ACKR3: variants seen among roughly 807,000 people sequenced by gnomAD.
ACKR3 encodes the protein C-X-C chemokine receptor type 7.
In ACKR3, 6 loss-of-function variants were observed where a neutral mutation model predicts 22.4. That is an observed-to-expected ratio of 0.27 (90% CI 0.15 to 0.53). ACKR3 has a LOEUF of 0.53. ACKR3 is among the 20% of genes least tolerant of loss of function. ACKR3 has a pLI of 0.96. For missense variants in ACKR3, 396 were observed against 475.2 expected (o/e 0.83, Z 1.55); for synonymous variants, 209 against 205.2 (o/e 1.02, Z -0.16).
At chr2:236,543,940 G>GATATATATATAT in the ACKR3 span, among the ~76,000 whole-genome samples, 1 of 80,908 alleles carries the variant, frequency 1.2e-5, no homozygotes, top group Non-Finnish European at 2.8e-5. Context: ...CTGGGAGAAG[G>GATATATATATAT]GTATATATAT....
At chr2:236,562,810 C>T (rs115955422), upstream of ACKR3, among the ~76,000 whole-genome samples, 4,265 of 152,168 alleles carry the variant, frequency 0.028, 195 homozygotes, top group African/African-American at 0.097. Flanking sequence ...CATTATGAGG[C>T]GGGTGTGGGA....
the ACKR3 span, among the ~76,000 whole-genome samples, chr2:236,554,337 T>C: frequency 6.6e-6 from 1 of 152,238 alleles, no homozygotes; most frequent in Non-Finnish European, 1.5e-5. Context: ...AAGGCAGATG[T>C]ATCAGAGAAG....
the ACKR3 span, among the ~76,000 whole-genome samples, chr2:236,539,306 CTTT>C: frequency 1.2e-3 from 147 of 120,742 alleles, 1 homozygote; most frequent in African/African-American, 4.3e-3. Context: ...TTTTTCTTTT[CTTT>C]TTTTTTTTTT....
At chr2:236,548,365 C>T in the ACKR3 span, among the ~76,000 whole-genome samples, 2 of 152,166 alleles carry the variant, frequency 1.3e-5, no homozygotes, top group Admixed American at 6.5e-5. The surrounding 1 kb of genome is among the most constrained non-coding windows in gnomAD (Gnocchi z 4.3). Flanking sequence ...AAACTGAATT[C>T]TTAGCCAAGA....
the ACKR3 span, among the ~76,000 whole-genome samples, chr2:236,557,499 G>A: frequency 6.6e-6 from 1 of 152,164 alleles, no homozygotes; most frequent in Non-Finnish European, 1.5e-5. Context: ...TTCAAAGAAT[G>A]ATGGCCATAT....
At position 236,581,107 on chromosome 2, in the gene ACKR3, G is replaced by C; in HGVS notation, c.642G>C (p.Leu214=). Residue 214 remains leucine (L), a synonymous_variant, in exon 2 of 2, where the codon CTG becomes CTC. Coordinates refer to ENST00000272928, the MANE Select transcript of ACKR3 (RefSeq NM_020311.3). This position sits in a 1 kb window ranked among gnomAD's most constrained non-coding sequence, Gnocchi z 4.4. ...AGGAGTGGCTGATCGGCATGGAGCT[G>C]GTCTCCGTTGTCTTGGGCTTTGCCG... ...SIKEWLIGME[L]VSVVLGFAVP... is the part of the protein sequence containing the mutation. The C allele has an allele frequency of 6.2e-7, 1 of 1,614,176 alleles. No individual in the cohort carries two copies.
At chr2:236,549,567 A>C in the ACKR3 span, among the ~76,000 whole-genome samples, 24 of 152,256 alleles carry the variant, frequency 1.6e-4, no homozygotes, top group African/African-American at 5.8e-4. This position sits in a 1 kb window ranked among gnomAD's most constrained non-coding sequence, Gnocchi z 5.3. Flanking sequence ...CAAGCGATTT[A>C]ATTCTTAACT....
chr2:236,579,505 A>G (rs1290250855), intron 1 of ACKR3, among the ~76,000 whole-genome samples: 1 of 152,168 alleles, frequency 6.6e-6, no homozygotes, highest in East Asian at 1.9e-4. Flanking sequence ...CCAGATAACA[A>G]TGGTACCCCG....
the ACKR3 span, among the ~76,000 whole-genome samples, chr2:236,537,262 G>A: frequency 6.6e-6 from 1 of 152,232 alleles, no homozygotes; most frequent in Non-Finnish European, 1.5e-5. Context: ...GAGAATGGAG[G>A]AGGCCAAGGT....
At chr2:236,554,438 A>G in the ACKR3 span, among the ~76,000 whole-genome samples, 3,593 of 152,306 alleles carry the variant, frequency 0.024, 141 homozygotes, top group African/African-American at 0.083. Context: ...TTGGCTAGAA[A>G]GAAGTAAACA....
chr2:236,552,514 G>A, the ACKR3 span, among the ~76,000 whole-genome samples: 4 of 152,150 alleles, frequency 2.6e-5, no homozygotes, highest in African/African-American at 4.8e-5. Flanking sequence ...GATCACTATC[G>A]TGGCAGTGAT....
At chr2:236,544,882 A>G in the ACKR3 span, among the ~76,000 whole-genome samples, 1 of 152,226 alleles carries the variant, frequency 6.6e-6, no homozygotes, top group Non-Finnish European at 1.5e-5. The surrounding 1 kb of genome is among the most constrained non-coding windows in gnomAD (Gnocchi z 5.0). Context: ...AACATAATAT[A>G]GAAGACAGAA....
chr2:236,558,027 C>CAACT, the ACKR3 span, among the ~76,000 whole-genome samples: 1 of 152,206 alleles, frequency 6.6e-6, no homozygotes, highest in African/African-American at 2.4e-5. Flanking sequence ...CAGAGACCAG[C>CAACT]AACTAAAGGC....
At chr2:236,568,787 A>C (rs1691243755), upstream of ACKR3, among the ~76,000 whole-genome samples, 1 of 152,270 alleles carries the variant, frequency 6.6e-6, no homozygotes, top group Non-Finnish European at 1.5e-5. Flanking sequence ...TTTTAGTAGA[A>C]GTATAAAAAG....
chr2:236,547,687 G>T, the ACKR3 span, among the ~76,000 whole-genome samples: 8,758 of 152,152 alleles, frequency 0.058, 768 homozygotes, highest in African/African-American at 0.19. Context: ...TGACAGCTGT[G>T]ATCTTTCATC....
At chr2:236,568,282 C>A (rs954733814), upstream of ACKR3, among the ~76,000 whole-genome samples, 1 of 152,212 alleles carries the variant, frequency 6.6e-6, no homozygotes, top group African/African-American at 2.4e-5. Flanking sequence ...AAGCGGAAAC[C>A]GAGCTGCAGT....
chr2:236,576,009 T>A (rs967321485), intron 1 of ACKR3, among the ~76,000 whole-genome samples: 9 of 152,188 alleles, frequency 5.9e-5, no homozygotes, highest in African/African-American at 2.2e-4. Flanking sequence ...CCCCCTGGAA[T>A]CTTTTATGCA....
In ACKR3 at chr2:236,580,450, T is replaced by C. The variant is rs1691495358; in HGVS notation, c.-16T>C. ...TTGGTTTTCTCATAGGTCATTTGAT[T>C]GCCCGCCTCAGAACGATGGATCTGC... On this transcript the variant is annotated 5_prime_UTR_variant, in exon 2 of 2. Coordinates refer to ENST00000272928, the MANE Select transcript of ACKR3 (RefSeq NM_020311.3). 3 of 1,593,884 alleles carry C rather than the reference T, an allele frequency of 1.9e-6. No individual in the cohort carries two copies. The highest frequency in any genetic ancestry group is 2.6e-6 in the Non-Finnish European group (3 of 1,164,560).
chr2:236,579,514 C>T (rs541248336), intron 1 of ACKR3, among the ~76,000 whole-genome samples: 28 of 152,274 alleles, frequency 1.8e-4, no homozygotes, highest in Non-Finnish European at 2.6e-4. Flanking sequence ...AATGGTACCC[C>T]GTGGCTGAAT....
Sources: gnomAD v4.1 joint callset for allele counts (sites outside exome capture counted in the v4.1 genomes callset) on GRCh38, gnomAD v4.1.1 for gene constraint, Gnocchi (gnomAD v3.1) non-coding constraint, MANE v1.5 for transcripts, NCBI Gene and HGNC (gene_info 2026-07-23, HGNC 2026-07-21) for gene names.